The following COL17A1 variants were observed in gnomAD, a reference collection of about 807,000 sequenced individuals.
The protein encoded by COL17A1 is collagen alpha-1(XVII) chain.
A neutral mutation model predicts 218.4 loss-of-function variants in COL17A1; 181 were observed. That is an observed-to-expected ratio of 0.83 (90% CI 0.73 to 0.94). The LOEUF is 0.94. Ranked by LOEUF, COL17A1 falls within the 40% of genes least tolerant of loss-of-function variation. COL17A1 has a pLI of 0.00. For synonymous variants in COL17A1, 721 were observed against 731.0 expected, an observed-to-expected ratio of 0.99 and a Z score of 0.22; for missense variants, 1,924 against 1,945.9, an observed-to-expected ratio of 0.99 and a Z score of 0.21.
intron 35 of COL17A1, among the ~76,000 whole-genome samples, chr10:104,043,053 T>A (rs1294168180): frequency 6.6e-6 from 1 of 152,188 alleles, no homozygotes; most frequent in Non-Finnish European, 1.5e-5. Flanking sequence ...CACCATCCCA[T>A]GTGGAGATAT....
intron 46 of COL17A1, 124 bp downstream of exon 46, chr10:104,037,512 C>T (rs941472423): frequency 3.1e-5 from 40 of 1,286,060 alleles, no homozygotes; most frequent in Non-Finnish European, 4.1e-5. Context: ...ATTATGAATT[C>T]GGAATTAAAA....
In COL17A1 at chr10:104,047,652, T is replaced by TGCACAC. The variant is rs201016463; in HGVS notation, c.2335+81_2335+86dup. ...CCCCCACAACCTGCACACCTGCACA[T>TGCACAC]GCACACGCACACACATGCCTACATC... On this transcript the variant is annotated intron_variant, in intron 31 of 55. Coordinates refer to ENST00000648076, the MANE Select transcript of COL17A1 (RefSeq NM_000494.4). 2,305 of 1,103,992 alleles carry TGCACAC rather than the reference T, an allele frequency of 2.1e-3. 28 individuals are homozygous for TGCACAC. The African/African-American group carries it at 0.03, about 15-fold the overall frequency. The allele number at this position is 1,103,992 out of a possible 1,614,324, so 68.4% of individuals were successfully genotyped here. A position where few individuals can be genotyped will look rare whatever the true frequency, so the allele number is the denominator to read the frequency against.
chr10:104,050,694 A>G (rs1564677358), intron 26 of COL17A1, 38 bp from the exon 27 acceptor site: 2 of 1,614,150 alleles, frequency 1.2e-6, no homozygotes, highest in Admixed American at 1.7e-5. Flanking sequence ...AAAATGCCCT[A>G]CAAGGGACAA....
Position 104,057,119 on chromosome 10 carries a change from C to T in COL17A1, c.1321G>A (p.Val441Ile). The T allele has an allele frequency of 1.9e-6, 3 of 1,603,042 alleles. No homozygotes were observed. Among genetic ancestry groups the T allele is most frequent in the Non-Finnish European group, 2.5e-6 (3 of 1,179,612 alleles). Residue 441 changes from valine to isoleucine, a missense_variant, in exon 17 of 56, where the codon GTT (valine) becomes ATT (isoleucine). By Grantham distance (29) the Val-to-Ile change is conservative (BLOSUM62 3). Transcript: ENST00000648076. Reference sequence around the variant, plus strand: ...CAAGGGCCGCCGCCAGCGCCACCAACACCGCCACCTCCTCCACTGCCACCA... The same window carrying T: ...CAAGGGCCGCCGCCAGCGCCACCAATACCGCCACCTCCTCCACTGCCACCA... ...GGGGSGGGGG[V>I]GGAGGGPWGP...
Position 104,066,738 on chromosome 10 carries a change from C to G in COL17A1, c.608-2142G>C, listed in dbSNP as rs566093067. Among the ~76,000 whole-genome samples, 281 of 152,316 alleles carry G rather than the reference C, an allele frequency of 1.8e-3. 1 individual carries two copies. The highest frequency in any genetic ancestry group is 3.4e-3 in the Non-Finnish European group (231 of 68,034). On this transcript the variant is annotated intron_variant, in intron 9 of 55. Coordinates refer to ENST00000648076, the MANE Select transcript of COL17A1 (RefSeq NM_000494.4). ...ATCTGGGGATCATAAAGAAGCTAAACCCAATGCTCCCGTAAATCCTTATCC... is the reference window on the plus strand; with the variant it reads ...ATCTGGGGATCATAAAGAAGCTAAAGCCAATGCTCCCGTAAATCCTTATCC...
rs1294391804 is a variant in COL17A1, at chr10:104,033,072, G to C, written c.4295-104C>G. The C allele has an allele frequency of 3.3e-6, 5 of 1,522,106 alleles. No homozygotes were observed. In the African/African-American group the frequency reaches 6.9e-5, roughly 21 times the overall value. The allele number at this position is 1,522,106 out of a possible 1,614,324, so 94.3% of individuals were successfully genotyped here. ...ACACAGAGAGATAGTGATGGAGTTTGGACGTGTAAGAGGAAACAAAGTTCA... is the reference window on the plus strand; with the variant it reads ...ACACAGAGAGATAGTGATGGAGTTTCGACGTGTAAGAGGAAACAAAGTTCA... On this transcript the variant is annotated intron_variant, in intron 53 of 55. Transcript: ENST00000648076.
intron 11 of COL17A1, 50 bp from the exon 12 acceptor site, chr10:104,062,379 C>G: frequency 6.2e-7 from 1 of 1,613,762 alleles, no homozygotes; most frequent in Non-Finnish European, 8.5e-7. Flanking sequence ...GGGGGATGCC[C>G]CCTGGCTTAG....
In COL17A1 at chr10:104,054,861, G is replaced by A. The variant is rs1437064078; in HGVS notation, c.1744+120C>T. 4.7e-6 allele frequency: 7 copies of A among 1,483,226 alleles called. No individual in the cohort carries two copies. The Admixed American group carries it at 7.4e-5, about 16-fold the overall frequency. The allele number at this position is 1,483,226 out of a possible 1,614,324, so 91.9% of individuals were successfully genotyped here. ...GGAAACCTCTCCTCCTCACACACCTGTCCCATCTGTTGTCAAATTACTTCT... is the reference window on the plus strand; with the variant it reads ...GGAAACCTCTCCTCCTCACACACCTATCCCATCTGTTGTCAAATTACTTCT... On this transcript the variant is annotated intron_variant, in intron 20 of 55. Coordinates refer to ENST00000648076, the MANE Select transcript of COL17A1 (RefSeq NM_000494.4).
intron 8 of COL17A1, among the ~76,000 whole-genome samples, 164 bp from the exon 9 acceptor site, chr10:104,070,733 T>C (rs1033793367): frequency 1.3e-5 from 2 of 152,224 alleles, no homozygotes; most frequent in South Asian, 2.1e-4. Context: ...ATTTTACTAA[T>C]GAATAGCACT....
At chr10:104,035,690 A>T (rs1386396115) in intron 48 of COL17A1, 127 bp from the exon 49 acceptor site, 2 of 767,028 alleles carry the variant, frequency 2.6e-6, no homozygotes, top group Non-Finnish European at 4.3e-6. Context: ...TGGTGGCAGG[A>T]AGAGAGGCAG....
rs370471490 is a variant in COL17A1, at chr10:104,034,077, C to G, written c.4024G>C (p.Gly1342Arg). 2 of 1,614,004 alleles carry G rather than the reference C, an allele frequency of 1.2e-6. No individual in the cohort carries two copies. The highest frequency in any genetic ancestry group is 1.3e-5 in the African/African-American group (1 of 74,932). ...GDRGPYGTDI[G>R]PGGGYGAAAE... ...GCTGCCCCATAGCCTCCGCCTGGGCCGATGTCAGTGCCATAGGGACCCCTG... is the reference window on the plus strand; with the variant it reads ...GCTGCCCCATAGCCTCCGCCTGGGCGGATGTCAGTGCCATAGGGACCCCTG... The change falls in exon 52 of 56, where the codon GGC (glycine) becomes CGC (arginine). Residue 1342 changes from glycine (G) to arginine (R), a missense_variant. By Grantham distance (125) the Gly-to-Arg change is moderately radical. Transcript: ENST00000648076.
At chr10:104,055,067 G>A (rs2086507040) in intron 19 of COL17A1, 60 bp from the exon 20 acceptor site, 89 of 1,611,046 alleles carry the variant, frequency 5.5e-5, no homozygotes, top group Non-Finnish European at 7.5e-5. Context: ...GCCATACTCT[G>A]CCTTGTATTT....
intron 37 of COL17A1, 64 bp from the exon 38 acceptor site, chr10:104,041,408 C>A: frequency 6.2e-7 from 1 of 1,600,492 alleles, no homozygotes; most frequent in Non-Finnish European, 8.5e-7. Flanking sequence ...CCCTGAGGAT[C>A]TTGGCTTCCT....
At chr10:104,075,029 T>C (rs995021677) in intron 5 of COL17A1, among the ~76,000 whole-genome samples, 5 of 152,230 alleles carry the variant, frequency 3.3e-5, no homozygotes, top group Non-Finnish European at 7.3e-5. Context: ...TCAGCATTGC[T>C]GTATGTTCCT....
intron 24 of COL17A1, among the ~76,000 whole-genome samples, chr10:104,051,916 T>A (rs1464922237): frequency 6.6e-6 from 1 of 152,118 alleles, no homozygotes; most frequent in South Asian, 2.1e-4. Flanking sequence ...ACGGGGCCAT[T>A]GAAGAGAGAT....
chr10:104,040,011 A>G lies in COL17A1; in HGVS notation c.2762-12T>C, dbSNP rs2086342760. ...GGGGCCTGGGGGACCTGAGGGAAAA[A>G]GGCAGAGAGCTATGAGACAGGTACC... On this transcript the variant is annotated splice_polypyrimidine_tract_variant and intron_variant, in intron 40 of 55. Coordinates refer to ENST00000648076, the MANE Select transcript of COL17A1 (RefSeq NM_000494.4). The G allele has an allele frequency of 1.9e-6, 3 of 1,613,340 alleles. No homozygotes were observed. Among genetic ancestry groups the G allele is most frequent in the African/African-American group, 2.7e-5 (2 of 74,698 alleles).
At chr10:104,052,321 G>C in intron 23 of COL17A1, 104 bp from the exon 24 acceptor site, 1 of 1,483,394 alleles carries the variant, frequency 6.7e-7, no homozygotes, top group South Asian at 1.1e-5. Flanking sequence ...CCTGCTAGTG[G>C]TCTTGGATCC....
rs778210729 is a variant in COL17A1, at chr10:104,034,610, G to A, written c.3766+11C>T. The A allele has an allele frequency of 1.1e-5, 18 of 1,608,238 alleles. No homozygotes were observed. Among genetic ancestry groups the A allele is most frequent in the South Asian group, 4.5e-5 (4 of 89,574 alleles). ...GGGTGCCTGGTGGGGCATCACCGTC[G>A]GGGCACCTACTTGTGAGGTAGCTGA... On this transcript the variant is annotated intron_variant, in intron 51 of 55. Coordinates refer to ENST00000648076, the MANE Select transcript of COL17A1 (RefSeq NM_000494.4).
chr10:104,039,981 C>T lies in COL17A1; in HGVS notation c.2780G>A (p.Gly927Glu). The change falls in exon 41 of 56, where the codon GGA (glycine) becomes GAA (glutamate). Residue 927 changes from glycine to glutamate, a missense_variant. Coordinates refer to ENST00000648076, the MANE Select transcript of COL17A1 (RefSeq NM_000494.4). Reference sequence around the variant, plus strand: ...TGCCGGCTCTACTGTACCTTGGTGTCCTCTGGGGCCTGGGGGACCTGAGGG... The same window carrying T: ...TGCCGGCTCTACTGTACCTTGGTGTTCTCTGGGGCCTGGGGGACCTGAGGG... ...KGDQGPPGPRGHQGEQGLPGF... is the reference protein window; with the variant it reads ...KGDQGPPGPREHQGEQGLPGF... 1 of 1,614,114 alleles carries T rather than the reference C, an allele frequency of 6.2e-7. No individual in the cohort carries two copies. Among genetic ancestry groups the T allele is most frequent in the Admixed American group, 1.7e-5 (1 of 60,016 alleles).
Sources: gnomAD v4.1 joint callset for allele counts (sites outside exome capture counted in the v4.1 genomes callset) on GRCh38, gnomAD v4.1.1 for gene constraint, MANE v1.5 for transcripts, NCBI Gene and HGNC (gene_info 2026-07-23, HGNC 2026-07-21) for gene names.